TBC1D31: variants seen among roughly 807,000 people sequenced by gnomAD.
The protein encoded by TBC1D31 is TBC1 domain family member 31, also known as WD repeat domain 67.
Under a neutral mutation model 132.9 loss-of-function variants are expected in TBC1D31, and 99 were observed. That is an observed-to-expected ratio of 0.74 (90% CI 0.63 to 0.88). TBC1D31 has a LOEUF of 0.88. Ranked by LOEUF, TBC1D31 falls within the 40% of genes least tolerant of loss-of-function variation. TBC1D31 has a pLI of 0.00. For synonymous variants in TBC1D31, 385 were observed against 419.4 expected (o/e 0.92, Z 1.00); for missense variants, 1,134 against 1,256.6 (o/e 0.90, Z 1.48).
chr8:123,083,402 C>T (rs1815382782), intron 3 of TBC1D31: 1 of 152,104 alleles, frequency 6.6e-6, no homozygotes, highest in African/African-American at 2.4e-5. Context: ...CCTGTTCCTC[C>T]TCATGTATTT....
At chr8:123,091,933 T>C (rs1816364799) in intron 4 of TBC1D31, among the ~76,000 whole-genome samples, 1 of 152,228 alleles carries the variant, frequency 6.6e-6, no homozygotes, top group Non-Finnish European at 1.5e-5. Context: ...GGATTATATA[T>C]GCATTTGCAC....
chr8:123,161,321 C>T, the TBC1D31 span, among the ~76,000 whole-genome samples: 1 of 152,244 alleles, frequency 6.6e-6, no homozygotes, highest in East Asian at 1.9e-4. Flanking sequence ...TCCCCATTGC[C>T]TTCATCTGCC....
intron 20 of TBC1D31, among the ~76,000 whole-genome samples, chr8:123,146,326 A>G (rs7006862): frequency 1.3e-5 from 2 of 151,898 alleles, no homozygotes; most frequent in African/African-American, 4.8e-5. Flanking sequence ...GTCACTCCCC[A>G]TTTCCACTCA....
chr8:123,082,945 G>T, intron 3 of TBC1D31, 128 bp downstream of exon 3: 1 of 625,476 alleles, frequency 1.6e-6, no homozygotes, highest in East Asian at 2.8e-5. Flanking sequence ...GACACTAGGT[G>T]CAAGCTGAGG....
At chr8:123,074,029 T>C (rs112838100) in intron 1 of TBC1D31, among the ~76,000 whole-genome samples, 12,825 of 141,852 alleles carry the variant, frequency 0.09, 613 homozygotes, top group Admixed American at 0.13. Context: ...TCTTGACAAA[T>C]CAGAATTTTT....
At chr8:123,156,801 G>T (rs1314706287), downstream of TBC1D31, among the ~76,000 whole-genome samples, 1 of 152,130 alleles carries the variant, frequency 6.6e-6, no homozygotes, top group Non-Finnish European at 1.5e-5. Context: ...TACCCATCCC[G>T]CAGCTCCCTC....
chr8:123,140,936 G>A, intron 18 of TBC1D31, 35 bp downstream of exon 18: 3 of 1,594,672 alleles, frequency 1.9e-6, no homozygotes, highest in Non-Finnish European at 2.6e-6. Flanking sequence ...ACATGCAGAG[G>A]AGAAATTTTC....
intron 5 of TBC1D31, among the ~76,000 whole-genome samples, chr8:123,096,729 T>C (rs193050028): frequency 1.8e-3 from 270 of 152,352 alleles, no homozygotes; most frequent in African/African-American, 6.3e-3. Flanking sequence ...TTTTAAAAAT[T>C]AGTAAGTCCT....
Position 123,077,118 on chromosome 8 carries a change from G to A in TBC1D31, c.85G>A (p.Val29Met). 2 of 1,599,098 alleles carry A rather than the reference G, an allele frequency of 1.3e-6. No homozygotes were observed. Among genetic ancestry groups the A allele is most frequent in the South Asian group, 2.3e-5 (2 of 87,948 alleles). ...PSPATRDGII[V>M]NIIHNTSDYH... ...GGTTTTTTTCTTTGACAGAATTATAGTGAACATTATTCACAACACTTCCGA... is the reference window on the plus strand; with the variant it reads ...GGTTTTTTTCTTTGACAGAATTATAATGAACATTATTCACAACACTTCCGA... Residue 29 changes from valine to methionine, a missense_variant, in exon 2 of 22, where the codon GTG becomes ATG. Transcript: ENST00000287380.
At chr8:123,111,458 A>T (rs1395066624) in intron 10 of TBC1D31, among the ~76,000 whole-genome samples, 2 of 152,330 alleles carry the variant, frequency 1.3e-5, no homozygotes, top group African/African-American at 4.8e-5. Flanking sequence ...TCCCCAGAGC[A>T]ATCAGTGTAT....
intron 2 of TBC1D31, among the ~76,000 whole-genome samples, chr8:123,078,443 GTATGTACACATA>G (rs1366810097): frequency 1.3e-5 from 2 of 152,162 alleles, no homozygotes; most frequent in Non-Finnish European, 2.9e-5. Context: ...CTAAATAGAG[GTATGTACACATA>G]TATGTACACA....
intron 10 of TBC1D31, among the ~76,000 whole-genome samples, chr8:123,114,925 A>C (rs1243034839): frequency 1.3e-5 from 2 of 152,140 alleles, no homozygotes; most frequent in African/African-American, 2.4e-5. Flanking sequence ...TCTTTCTCTC[A>C]GTATATGTAG....
intron 4 of TBC1D31, among the ~76,000 whole-genome samples, chr8:123,092,748 CAA>C (rs1034473513): frequency 1.3e-5 from 2 of 150,594 alleles, no homozygotes; most frequent in African/African-American, 4.9e-5. Flanking sequence ...TTCCCAGGTT[CAA>C]GGGATTCTTC....
chr8:123,081,109 G>C (rs1815105008), intron 2 of TBC1D31, among the ~76,000 whole-genome samples: 1 of 152,046 alleles, frequency 6.6e-6, no homozygotes. Flanking sequence ...TTCCCATCCT[G>C]CCTGAAATTA....
chr8:123,148,962 G>A (rs1429255798), intron 20 of TBC1D31, among the ~76,000 whole-genome samples: 4 of 151,922 alleles, frequency 2.6e-5, no homozygotes, highest in Non-Finnish European at 5.9e-5. Flanking sequence ...CAGGAGAATC[G>A]CTTGAACCCA....
chr8:123,117,366 C>T, intron 10 of TBC1D31, among the ~76,000 whole-genome samples: 1 of 151,912 alleles, frequency 6.6e-6, no homozygotes, highest in East Asian at 1.9e-4. Flanking sequence ...CTTAAAATAT[C>T]TCCCCCAAGA....
intron 17 of TBC1D31, among the ~76,000 whole-genome samples, chr8:123,138,254 T>C (rs958806701): frequency 6.6e-6 from 1 of 152,244 alleles, no homozygotes; most frequent in Non-Finnish European, 1.5e-5. Flanking sequence ...TGGTAGTGGC[T>C]GCTGGTGAAC....
chr8:123,146,144 A>G (rs1233587122), intron 20 of TBC1D31, among the ~76,000 whole-genome samples: 1 of 152,186 alleles, frequency 6.6e-6, no homozygotes, highest in African/African-American at 2.4e-5. Context: ...TGCTGGGATT[A>G]CAGGCGTGCC....
At chr8:123,077,411 G>A (rs1157160870) in intron 2 of TBC1D31, among the ~76,000 whole-genome samples, 154 bp downstream of exon 2, 1 of 137,646 alleles carries the variant, frequency 7.3e-6, no homozygotes, top group Non-Finnish European at 1.6e-5. Flanking sequence ...GCTAAAGGAC[G>A]AAAGTGGGAA....
Sources: allele counts gnomAD v4.1 joint callset (sites outside exome capture counted in the v4.1 genomes callset), GRCh38; gene constraint gnomAD v4.1.1; transcripts MANE v1.5; gene names NCBI Gene and HGNC (gene_info 2026-07-23, HGNC 2026-07-21).